ID3: variants seen among roughly 807,000 people sequenced by gnomAD.
ID3 encodes inhibitor of DNA binding 3, also known as DNA-binding protein inhibitor ID-3.
A neutral mutation model predicts 9.6 loss-of-function variants in ID3; 4 were observed. The observed-to-expected ratio is 0.42, with a 90% confidence interval of 0.21 to 0.96. ID3 has a LOEUF of 0.96. Ranked by LOEUF, ID3 falls within the 40% of genes least tolerant of loss-of-function variation. ID3 has a pLI of 0.30. For missense variants in ID3, 191 were observed against 164.5 expected (o/e 1.16, Z -0.88); for synonymous variants, 108 against 75.2 (o/e 1.44, Z -2.26).
chr1:23,558,666 G>T (rs561933990), intron 2 of ID3: 139 of 445,418 alleles, frequency 3.1e-4, no homozygotes, highest in Non-Finnish European at 5.4e-4. Context: ...ATACAACATG[G>T]AACAGAAAGA....
At position 23,558,899 on chromosome 1, in the gene ID3, G is replaced by A. The variant is rs990167089; in HGVS notation, c.*25+36C>T. On this transcript the variant is annotated intron_variant, in intron 2 of 2. Transcript: ENST00000374561. The stretch of plus-strand genomic sequence containing the variant: ...ACGTCTGCCAACTCCAGGACTTGCC[G>A]TTTAAACCTCCCTCTCCAAGAGAGG... The A allele has an allele frequency of 2.0e-5, 29 of 1,475,814 alleles. No individual in the cohort carries two copies. The African/African-American group carries it at 2.6e-4, about 13-fold the overall frequency. The allele number at this position is 1,475,814 out of a possible 1,614,324, so 91.4% of individuals were successfully genotyped here.
rs1444993285 is a variant in ID3 at position 23,559,248 on chromosome 1, C to T, written c.179G>A (p.Arg60Lys). 6.2e-7 allele frequency: 1 copy of T among 1,614,108 alleles called. No homozygotes were observed. The highest frequency in any genetic ancestry group is 8.5e-7 in the Non-Finnish European group (1 of 1,180,054). Reference protein sequence around the residue: ...RLRELVPGVPRGTQLSQVEIL... With the variant: ...RLRELVPGVPKGTQLSQVEIL... ...TTCCACCTGGCTAAGCTGAGTGCCT[C>T]TCGGGACTCCGGGTACCAGTTCCCG... is the stretch of plus-strand genomic sequence containing the variant. Residue 60 changes from arginine to lysine, a missense_variant, in exon 1 of 3, where the codon AGA becomes AAA. By Grantham distance (26) the Arg-to-Lys change is conservative. Transcript: ENST00000374561.
chr1:23,559,291 G>T lies in ID3; in HGVS notation c.136C>A (p.His46Asn). Residue 46 changes from histidine to asparagine, a missense_variant, in exon 1 of 3, where the codon CAC becomes AAC. Physicochemically the swap from His to Asn is moderately conservative, Grantham distance 68. Transcript: ENST00000374561. ...EPLSLLDDMN[H>N]CYSRLRELVP... ...AGTTCCCGCAGGCGGGAGTAGCAGT[G>T]GTTCATGTCGTCCAGCAAGCTCAGC... 6.2e-7 allele frequency: 1 copy of T among 1,614,062 alleles called. No individual in the cohort carries two copies. The highest frequency in any genetic ancestry group is 8.5e-7 in the Non-Finnish European group (1 of 1,180,030).
rs201488898 is a variant in ID3 at position 23,559,025 on chromosome 1, T to G, written c.301-6A>C. The G allele has an allele frequency of 1.3e-4, 209 of 1,613,888 alleles. No individual in the cohort carries two copies. Among genetic ancestry groups the G allele is most frequent in the Non-Finnish European group, 1.5e-4 (182 of 1,179,924 alleles). On this transcript the variant is annotated splice_polypyrimidine_tract_variant and splice_region_variant and intron_variant, in intron 1 of 2. Coordinates refer to ENST00000374561, the MANE Select transcript of ID3 (RefSeq NM_002167.5). ...TCCGGAGTGAGCTCGGCTGTCTGAT[T>G]AGAGGAAAAGAGGGAAGAGTTACGC...
At chr1:23,558,548 C>G in intron 2 of ID3, 133 bp from the exon 3 acceptor site, 1 of 176,734 alleles carries the variant, frequency 5.7e-6, no homozygotes, top group South Asian at 1.2e-4. Context: ...CTCCGCGCCC[C>G]ACGCTGCCCC....
At chr1:23,558,635 G>A (rs1012362518) in intron 2 of ID3, 4 of 271,936 alleles carry the variant, frequency 1.5e-5, no homozygotes, top group Non-Finnish European at 2.8e-5. Context: ...GCTGGGAGGG[G>A]GCTGCCGAAG....
rs769841287 is a variant in ID3 at position 23,559,272 on chromosome 1, C to T, written c.155G>A (p.Arg52Gln). 1.6e-5 allele frequency: 26 copies of T among 1,614,032 alleles called. No individual in the cohort carries two copies. Among genetic ancestry groups the T allele is most frequent in the South Asian group, 4.4e-5 (4 of 91,094 alleles). ...TCTCGGGACTCCGGGTACCAGTTCC[C>T]GCAGGCGGGAGTAGCAGTGGTTCAT... Reference protein sequence around the residue: ...DDMNHCYSRLRELVPGVPRGT... With the variant: ...DDMNHCYSRLQELVPGVPRGT... The change falls in exon 1 of 3, where the codon CGG (arginine) becomes CAG (glutamine). Residue 52 changes from arginine (R) to glutamine (Q), a missense_variant. Coordinates refer to ENST00000374561, the MANE Select transcript of ID3 (RefSeq NM_002167.5).
chr1:23,559,069 G>A (rs910785464), intron 1 of ID3, 50 bp from the exon 2 acceptor site: 10 of 1,612,502 alleles, frequency 6.2e-6, no homozygotes, highest in African/African-American at 1.3e-5. Context: ...CGGGAGCTCC[G>A]AGGGTCCCGC....
rs1050096 is a variant in ID3, at chr1:23,558,170, G to A, written c.*271C>T. Reference sequence around the variant, plus strand: ...TCCTTCCACACCTCCACGCTCTGAAGAGACCTTAGAACTTGGGGGTGGGGT... The same window carrying A: ...TCCTTCCACACCTCCACGCTCTGAAAAGACCTTAGAACTTGGGGGTGGGGT... On this transcript the variant is annotated 3_prime_UTR_variant, in exon 3 of 3. Transcript: ENST00000374561. 100,119 of 152,546 alleles carry A rather than the reference G, an allele frequency of 0.66. 33,245 individuals carry two copies. The highest frequency in any genetic ancestry group is 0.92 in the East Asian group (4,778 of 5,166). 9.4% of individuals were successfully genotyped at this position (152,546 alleles called of 1,614,324 possible).
chr1:23,558,906 CCTCCCT>C, intron 2 of ID3, 23 bp downstream of exon 2: 2 of 1,500,852 alleles, frequency 1.3e-6, no homozygotes, highest in Non-Finnish European at 1.8e-6. Context: ...GCCGTTTAAA[CCTCCCT>C]CTCCAAGAGA....
intron 2 of ID3, 41 bp from the exon 3 acceptor site, chr1:23,558,456 C>T (rs1280779747): frequency 6.4e-6 from 1 of 155,066 alleles, no homozygotes; most frequent in Non-Finnish European, 1.4e-5. Context: ...CAGTCAGTTT[C>T]CGCCGAGCGT....
chr1:23,559,012 T>A lies in ID3; in HGVS notation c.308A>T (p.Glu103Val), dbSNP rs779331497. 6.2e-7 allele frequency: 1 copy of A among 1,614,096 alleles called. No homozygotes were observed. ...DGPHLPIQTA[E>V]LTPELVISND... Reference sequence around the variant, plus strand: ...GGAGATGACAAGTTCCGGAGTGAGCTCGGCTGTCTGATTAGAGGAAAAGAG... The same window carrying A: ...GGAGATGACAAGTTCCGGAGTGAGCACGGCTGTCTGATTAGAGGAAAAGAG... Residue 103 changes from glutamate to valine, a missense_variant, in exon 2 of 3, where the codon GAG (glutamate) becomes GTG (valine). Glu to Val is a moderately radical substitution (Grantham distance 121). Coordinates refer to ENST00000374561, the MANE Select transcript of ID3 (RefSeq NM_002167.5).
In ID3 at chr1:23,559,025, TAGAGGA is replaced by T. The variant is rs1558287355; in HGVS notation, c.301-12_301-7del. The stretch of plus-strand genomic sequence containing the variant: ...TCCGGAGTGAGCTCGGCTGTCTGAT[TAGAGGA>T]AAAGAGGGAAGAGTTACGCGAGGCA... On this transcript the variant is annotated splice_region_variant and splice_polypyrimidine_tract_variant and intron_variant, in intron 1 of 2. Transcript: ENST00000374561. The T allele has an allele frequency of 6.2e-7, 1 of 1,614,004 alleles. No individual in the cohort carries two copies. The highest frequency in any genetic ancestry group is 1.7e-5 in the Admixed American group (1 of 60,020).
rs1643688714 is a variant in ID3 at position 23,559,280 on chromosome 1, G to A, written c.147C>T (p.Ser49=). The A allele has an allele frequency of 2.5e-6, 4 of 1,614,114 alleles. No individual in the cohort carries two copies. The highest frequency in any genetic ancestry group is 3.4e-6 in the Non-Finnish European group (4 of 1,180,036). ...CTCCGGGTACCAGTTCCCGCAGGCG[G>A]GAGTAGCAGTGGTTCATGTCGTCCA... The part of the protein sequence containing the change: ...SLLDDMNHCY[S]RLRELVPGVP... Residue 49 remains serine, a synonymous_variant, in exon 1 of 3, where the codon TCC becomes TCT. Coordinates refer to ENST00000374561, the MANE Select transcript of ID3 (RefSeq NM_002167.5).
At chr1:23,558,853 A>G (rs1643680983) in intron 2 of ID3, 82 bp downstream of exon 2, 2 of 882,034 alleles carry the variant, frequency 2.3e-6, no homozygotes, top group Admixed American at 4.2e-5. Flanking sequence ...CCCTAAACCG[A>G]GTGAGTGGCA....
intron 1 of ID3, 32 bp from the exon 2 acceptor site, chr1:23,559,051 G>A (rs972133377): frequency 3.7e-6 from 6 of 1,612,770 alleles, no homozygotes; most frequent in Non-Finnish European, 4.2e-6. Flanking sequence ...AGAGTTACGC[G>A]AGGCAATCGG....
rs1369959192 is a variant in ID3 at position 23,558,382 on chromosome 1, G to C, written c.*59C>G. 1 of 153,190 alleles carries C rather than the reference G, an allele frequency of 6.5e-6. No homozygotes were observed. The highest frequency in any genetic ancestry group is 2.4e-5 in the African/African-American group (1 of 41,468). The allele number at this position is 153,190 out of a possible 1,614,324, so 9.5% of individuals were successfully genotyped here. The stretch of plus-strand genomic sequence containing the variant: ...GGCTTCCGGCAGGAGAGGTTCCCGG[G>C]GTCCCAGGCAGAACGGGCGCCAGCA... On this transcript the variant is annotated 3_prime_UTR_variant, in exon 3 of 3. Transcript: ENST00000374561.
chr1:23,559,171 C>A lies in ID3; in HGVS notation c.256G>T (p.Glu86Ter). ...YILDLQVVLA[E>*]PAPGPPDGPH... ...CCATCAGGGGGTCCAGGGGCTGGCT[C>A]GGCCAGGACTACCTGCAGGTCGAGA... Residue 86 changes from glutamate to a stop codon, truncating the protein, a stop_gained, in exon 1 of 3, where the codon GAG (glutamate) becomes TAG (stop). Coordinates refer to ENST00000374561, the MANE Select transcript of ID3 (RefSeq NM_002167.5). LOFTEE classifies it high-confidence loss of function. The A allele has an allele frequency of 6.2e-7, 1 of 1,614,212 alleles. No homozygotes were observed. Among genetic ancestry groups the A allele is most frequent in the Non-Finnish European group, 8.5e-7 (1 of 1,180,048 alleles).
In ID3 at chr1:23,559,331, C is replaced by G. The variant is rs748753020; in HGVS notation, c.96G>C (p.Pro32=). The change falls in exon 1 of 3, where the codon CCG becomes CCC. Residue 32 remains proline (P), a synonymous_variant. Transcript: ENST00000374561. ...GCAAGCTCAGCGGCTCCTCAGCTGCCGGGCCCTTCCCTCGGCCCCGGGCGA... is the reference window on the plus strand; with the variant it reads ...GCAAGCTCAGCGGCTCCTCAGCTGCGGGGCCCTTCCCTCGGCCCCGGGCGA... ...LAIARGRGKG[P]AAEEPLSLLD... The G allele has an allele frequency of 6.2e-6, 10 of 1,613,518 alleles. No homozygotes were observed. The highest frequency in any genetic ancestry group is 4.5e-5 in the East Asian group (2 of 44,894).
Sources: gnomAD v4.1 joint callset for allele counts on GRCh38, gnomAD v4.1.1 for gene constraint, MANE v1.5 for transcripts, NCBI Gene and HGNC (gene_info 2026-07-23, HGNC 2026-07-21) for gene names.